TMEM178B: variants seen among roughly 807,000 people sequenced by gnomAD.
TMEM178B encodes the protein transmembrane protein 178B.
TMEM178B carries 5 observed loss-of-function variants against 31.0 expected under a neutral mutation model. The ratio of observed to expected loss-of-function variants is 0.16; its 90% CI spans 0.08 to 0.34. The LOEUF is 0.34. Among genes scored for constraint, TMEM178B ranks in the 10% least tolerant of loss-of-function variants. The pLI, the probability that TMEM178B is intolerant of heterozygous loss-of-function variation, is 1.00. For synonymous variants in TMEM178B, 164 were observed against 164.0 expected (o/e 1.00, Z 0.00); for missense variants, 275 against 400.3 (o/e 0.69, Z 2.67).
intron 2 of TMEM178B, among the ~76,000 whole-genome samples, chr7:141,436,236 T>C (rs1801537568): frequency 2.0e-5 from 3 of 152,118 alleles, no homozygotes; most frequent in Admixed American, 6.5e-5. Context: ...TCTGAGGTAT[T>C]CTCCAAAGAG....
At chr7:141,306,801 G>A (rs984278246) in intron 2 of TMEM178B, among the ~76,000 whole-genome samples, 2 of 151,940 alleles carry the variant, frequency 1.3e-5, no homozygotes, top group African/African-American at 2.4e-5. Flanking sequence ...TCATACCTAC[G>A]TCACACTGCT....
chr7:141,347,181 A>G (rs957605743), intron 2 of TMEM178B, among the ~76,000 whole-genome samples: 1 of 152,166 alleles, frequency 6.6e-6, no homozygotes, highest in Non-Finnish European at 1.5e-5. Flanking sequence ...ATCCAGTCTC[A>G]GGTAGTTCTT....
intron 1 of TMEM178B, among the ~76,000 whole-genome samples, chr7:141,161,715 G>T (rs1039758559): frequency 6.6e-6 from 1 of 152,050 alleles, no homozygotes; most frequent in Non-Finnish European, 1.5e-5. Flanking sequence ...AGGTGGGCTG[G>T]ACAGAACTTG....
chr7:141,455,575 T>C (rs1349431229), intron 3 of TMEM178B, among the ~76,000 whole-genome samples: 2 of 152,250 alleles, frequency 1.3e-5, no homozygotes, highest in East Asian at 3.8e-4. Flanking sequence ...GTATTTACTG[T>C]GTGGCCTCAG....
intron 2 of TMEM178B, among the ~76,000 whole-genome samples, chr7:141,327,690 A>C (rs1158945873): frequency 6.6e-6 from 1 of 152,156 alleles, no homozygotes; most frequent in Non-Finnish European, 1.5e-5. Flanking sequence ...GACTTTCAAG[A>C]GGTGTTTAGG....
At position 141,074,577 on chromosome 7, in the gene TMEM178B, C is replaced by T. The variant is rs1444389800; in HGVS notation, c.267C>T (p.Phe89=). 1.0e-5 allele frequency: 16 copies of T among 1,535,832 alleles called. No individual in the cohort carries two copies. In the South Asian group the frequency reaches 1.8e-4, roughly 17 times the overall value. The change falls in exon 1 of 4, where the codon TTC becomes TTT. Residue 89 remains phenylalanine (F), a synonymous_variant. Coordinates refer to ENST00000565468, the MANE Select transcript of TMEM178B (RefSeq NM_001195278.2). The surrounding 1 kb of genome is among the most constrained non-coding windows in gnomAD (Gnocchi z 5.1). ...LLRARNRRQL[F]AMSPADECSR... is the part of the protein sequence containing the mutation. ...GGGCCCGGAATCGCCGGCAGCTGTT[C>T]GCCATGAGCCCCGCGGACGAGTGCA... is the stretch of plus-strand genomic sequence containing the variant.
At chr7:141,293,107 G>T (rs1199298003) in intron 2 of TMEM178B, among the ~76,000 whole-genome samples, 1 of 152,204 alleles carries the variant, frequency 6.6e-6, no homozygotes, top group Non-Finnish European at 1.5e-5. Context: ...GGCAAGACTA[G>T]GGAGAAACCA....
intron 2 of TMEM178B, among the ~76,000 whole-genome samples, chr7:141,290,613 G>A (rs948768847): frequency 6.6e-6 from 1 of 152,122 alleles, no homozygotes; most frequent in Non-Finnish European, 1.5e-5. Flanking sequence ...ACACACGCGC[G>A]TGCTTTAAAT....
chr7:141,115,350 G>A (rs1488726217), intron 1 of TMEM178B, among the ~76,000 whole-genome samples: 2 of 152,022 alleles, frequency 1.3e-5, no homozygotes, highest in African/African-American at 4.8e-5. Context: ...TGGATCCATG[G>A]GATTTGAATG....
intron 1 of TMEM178B, among the ~76,000 whole-genome samples, chr7:141,108,258 G>A (rs542933359): frequency 6.6e-6 from 1 of 152,264 alleles, no homozygotes; most frequent in South Asian, 2.1e-4. Context: ...TTTCAGAGAT[G>A]GGAAAAATAA....
chr7:141,496,526 C>CCCGTCTCTACTAA, the TMEM178B span, among the ~76,000 whole-genome samples: 2 of 149,066 alleles, frequency 1.3e-5, no homozygotes, highest in Admixed American at 6.6e-5. Flanking sequence ...AAAAATTAGC[C>CCCGTCTCTACTAA]AGGTGTAGTG....
chr7:141,401,587 T>G (rs1586936370), intron 2 of TMEM178B, among the ~76,000 whole-genome samples: 2 of 150,960 alleles, frequency 1.3e-5, no homozygotes. Context: ...AGCTATTTTT[T>G]TATTTTTTTA....
At chr7:141,463,845 T>A (rs1802103498) in intron 3 of TMEM178B, among the ~76,000 whole-genome samples, 1 of 152,162 alleles carries the variant, frequency 6.6e-6, no homozygotes, top group South Asian at 2.1e-4. Flanking sequence ...GTAGGCAGGA[T>A]GCACTCAGGT....
At chr7:141,303,271 C>T (rs898079674) in intron 2 of TMEM178B, among the ~76,000 whole-genome samples, 4 of 152,118 alleles carry the variant, frequency 2.6e-5, no homozygotes, top group African/African-American at 7.2e-5. Flanking sequence ...CTGGAATTAT[C>T]GCCTGTGTTA....
intron 2 of TMEM178B, among the ~76,000 whole-genome samples, chr7:141,215,338 T>TTATTATTATTATTATTATTA (rs999641567): frequency 8.0e-5 from 2 of 24,928 alleles, no homozygotes; most frequent in Non-Finnish European, 3.8e-4. Context: ...ATTATTATTA[T>TTATTATTATTATTATTATTA]TTTTTGAGAT....
At chr7:141,498,558 C>A in the TMEM178B span, among the ~76,000 whole-genome samples, 1 of 152,200 alleles carries the variant, frequency 6.6e-6, no homozygotes, top group Admixed American at 6.5e-5. Flanking sequence ...TTCAAGTCAA[C>A]TAGGGAAAAG....
At chr7:141,230,335 A>G (rs1369890835) in intron 2 of TMEM178B, among the ~76,000 whole-genome samples, 2 of 152,214 alleles carry the variant, frequency 1.3e-5, no homozygotes, top group African/African-American at 4.8e-5. Context: ...ACCAAATTTT[A>G]CCTACATTGA....
Position 141,374,917 on chromosome 7 carries a change from G to A in TMEM178B, c.497-62691G>A, listed in dbSNP as rs181303302. On this transcript the variant is annotated intron_variant, in intron 2 of 3. Transcript: ENST00000565468. ...GCATTTACAAAATCCCAGGGCACAC[G>A]ACACCTTCTGCATCCTCTTCAGTAT... 1.7e-3 allele frequency among the ~76,000 whole-genome samples: 257 copies of A among 152,308 alleles called. 1 individual carries two copies. The highest frequency in any genetic ancestry group is 5.7e-3 in the African/African-American group (238 of 41,570).
At chr7:141,409,979 C>T (rs1023019066) in intron 2 of TMEM178B, among the ~76,000 whole-genome samples, 2 of 152,216 alleles carry the variant, frequency 1.3e-5, no homozygotes, top group African/African-American at 2.4e-5. Flanking sequence ...TTGGAGCCAT[C>T]TCTTTGTCTT....
Sources: allele counts gnomAD v4.1 joint callset (sites outside exome capture counted in the v4.1 genomes callset), GRCh38; gene constraint gnomAD v4.1.1; non-coding constraint Gnocchi (gnomAD v3.1); transcripts MANE v1.5; gene names NCBI Gene and HGNC (gene_info 2026-07-23, HGNC 2026-07-21).